Variants in NTNG1 observed in about 807,000 individuals in gnomAD.
NTNG1 encodes the protein netrin-G1.
In NTNG1, 16 loss-of-function variants were observed where a neutral mutation model predicts 54.0. The observed-to-expected ratio is 0.30, with a 90% CI of 0.20 to 0.45. The LOEUF (loss-of-function observed/expected upper bound fraction) is 0.45, where lower values mean the gene tolerates loss of function less well. Ranked by LOEUF, NTNG1 falls within the 20% of genes least tolerant of loss-of-function variation. NTNG1 has a pLI of 1.00. For synonymous variants in NTNG1, 255 were observed against 263.1 expected (o/e 0.97, Z 0.30); for missense variants, 530 against 678.7 (o/e 0.78, Z 2.43).
intron 3 of NTNG1, among the ~76,000 whole-genome samples, chr1:107,375,014 C>T (rs889197138): frequency 3.9e-5 from 6 of 152,216 alleles, no homozygotes; most frequent in Admixed American, 6.5e-5. Flanking sequence ...TAGTGAGCAC[C>T]GGCACTATTC....
rs540211104 is a variant in NTNG1, at chr1:107,263,704, G to A, written c.247-60578G>A. On this transcript the variant is annotated intron_variant, in intron 2 of 7. Transcript: ENST00000370068. ...TGTCTCCTTACAAGCCTTATAACCTGAGGCAATCCCAGATATTCCCTTTGG... is the reference window on the plus strand; with the variant it reads ...TGTCTCCTTACAAGCCTTATAACCTAAGGCAATCCCAGATATTCCCTTTGG... 9.2e-5 allele frequency among the ~76,000 whole-genome samples: 14 copies of A among 152,268 alleles called. No homozygotes were observed. In the East Asian group the frequency reaches 2.5e-3, roughly 27 times the overall value.
intron 3 of NTNG1, among the ~76,000 whole-genome samples, chr1:107,348,365 A>G (rs1249302958): frequency 2.0e-5 from 3 of 152,088 alleles, no homozygotes; most frequent in Non-Finnish European, 4.4e-5. Context: ...ACTTCAAGTG[A>G]TATGCTCACC....
rs189006747 is a variant in NTNG1, at chr1:107,377,066, C to T, written c.888-18088C>T. ...GTGTGGCTTCAGGGTCCCCCTGACTCCTCTTCCTGGCTTACATGGGGCCAG... is the reference window on the plus strand; with the variant it reads ...GTGTGGCTTCAGGGTCCCCCTGACTTCTCTTCCTGGCTTACATGGGGCCAG... On this transcript the variant is annotated intron_variant, in intron 3 of 7. Coordinates refer to ENST00000370068, the MANE Select transcript of NTNG1 (RefSeq NM_001113226.3). Among the ~76,000 whole-genome samples the T allele has an allele frequency of 2.0e-5, 3 of 152,324 alleles. No homozygotes were observed. The East Asian group carries it at 5.8e-4, about 29-fold the overall frequency.
chr1:107,277,650 A>G (rs1324737103), intron 2 of NTNG1, among the ~76,000 whole-genome samples: 1 of 152,218 alleles, frequency 6.6e-6, no homozygotes, highest in Non-Finnish European at 1.5e-5. Context: ...GGAAGTTTCT[A>G]ATGAGTAGAT....
At chr1:107,450,569 T>C (rs558474291) in intron 7 of NTNG1, among the ~76,000 whole-genome samples, 5 of 152,170 alleles carry the variant, frequency 3.3e-5, no homozygotes, top group Admixed American at 3.3e-4. Context: ...ATGATAATCA[T>C]GGCTCCTTCC....
At chr1:107,333,241 G>T (rs1160135348) in intron 3 of NTNG1, among the ~76,000 whole-genome samples, 8 of 151,994 alleles carry the variant, frequency 5.3e-5, no homozygotes, top group Non-Finnish European at 2.9e-5. Context: ...AAGAGAAATA[G>T]ATTCTCACTC....
intron 2 of NTNG1, among the ~76,000 whole-genome samples, chr1:107,241,414 A>G (rs1399451154): frequency 6.6e-6 from 1 of 152,222 alleles, no homozygotes; most frequent in Non-Finnish European, 1.5e-5. Context: ...TATTTACTAT[A>G]CAGAAAAAAA....
intron 3 of NTNG1, among the ~76,000 whole-genome samples, chr1:107,343,610 G>C (rs1224476939): frequency 1.3e-5 from 2 of 151,894 alleles, no homozygotes; most frequent in South Asian, 4.2e-4. Flanking sequence ...GGCTGCAGGA[G>C]AGCTCATTAG....
chr1:107,453,677 G>C (rs1044545590), intron 7 of NTNG1, among the ~76,000 whole-genome samples: 1 of 152,132 alleles, frequency 6.6e-6, no homozygotes, highest in African/African-American at 2.4e-5. Context: ...TGCCATGTAG[G>C]GAAGTGGGCT....
intron 2 of NTNG1, among the ~76,000 whole-genome samples, chr1:107,299,680 C>T (rs954204029): frequency 2.0e-5 from 3 of 152,116 alleles, no homozygotes; most frequent in African/African-American, 7.2e-5. Flanking sequence ...CACCAGTGTC[C>T]AAGCCTGTCA....
chr1:107,388,600 G>T (rs2101062350), intron 3 of NTNG1, among the ~76,000 whole-genome samples: 1 of 152,340 alleles, frequency 6.6e-6, no homozygotes, highest in South Asian at 2.1e-4. Flanking sequence ...CACAATGCCA[G>T]GTGCTTAGAA....
At chr1:107,257,990 A>G (rs1157688456) in intron 2 of NTNG1, among the ~76,000 whole-genome samples, 2 of 152,214 alleles carry the variant, frequency 1.3e-5, no homozygotes, top group Non-Finnish European at 2.9e-5. Flanking sequence ...TATTTAGGAC[A>G]TCATCGGTGA....
chr1:107,477,975 C>T (rs1432272692), intron 7 of NTNG1, among the ~76,000 whole-genome samples: 4 of 152,174 alleles, frequency 2.6e-5, no homozygotes, highest in Non-Finnish European at 5.9e-5. Flanking sequence ...CAGAAATCAT[C>T]CTTTATATTT....
At chr1:107,392,850 GCA>G (rs1312979694) in intron 3 of NTNG1, among the ~76,000 whole-genome samples, 4 of 152,126 alleles carry the variant, frequency 2.6e-5, no homozygotes, top group African/African-American at 9.7e-5. Context: ...ACCTATCCAA[GCA>G]CACGGACACA....
chr1:107,231,306 A>G (rs980496991), intron 2 of NTNG1, among the ~76,000 whole-genome samples: 13 of 152,186 alleles, frequency 8.5e-5, no homozygotes, highest in East Asian at 1.9e-4. Flanking sequence ...ATCGCTTCTC[A>G]GTACTGGATG....
intron 2 of NTNG1, among the ~76,000 whole-genome samples, chr1:107,213,481 T>C (rs1252983698): frequency 6.6e-6 from 1 of 152,066 alleles, no homozygotes; most frequent in Non-Finnish European, 1.5e-5. Flanking sequence ...AGTTGGGAAA[T>C]GCATTTCCCA....
intron 7 of NTNG1, among the ~76,000 whole-genome samples, chr1:107,467,360 T>C (rs1040066956): frequency 3.3e-5 from 5 of 152,178 alleles, no homozygotes; most frequent in Non-Finnish European, 7.3e-5. Flanking sequence ...TAATGAAACA[T>C]AAAAAGCATG....
chr1:107,277,273 C>G (rs1047523981), intron 2 of NTNG1, among the ~76,000 whole-genome samples: 1 of 152,066 alleles, frequency 6.6e-6, no homozygotes, highest in African/African-American at 2.4e-5. Flanking sequence ...GATTTCAGAG[C>G]CCAGAAGCCA....
Position 107,480,930 on chromosome 1 carries a change from T to C in NTNG1, c.*90T>C. On this transcript the variant is annotated 3_prime_UTR_variant, in exon 8 of 8. Transcript: ENST00000370068. The stretch of plus-strand genomic sequence containing the variant: ...GCTACTAACATAGGAAACACACACA[T>C]ACAGACACCCCCACTCAGACAGTGT... The C allele has an allele frequency of 1.1e-6, 1 of 928,014 alleles. No homozygotes were observed. The highest frequency in any genetic ancestry group is 1.7e-6 in the Non-Finnish European group (1 of 603,630). 57.5% of individuals were successfully genotyped at this position (928,014 alleles called of 1,614,324 possible).
Sources: gnomAD v4.1 joint callset for allele counts (sites outside exome capture counted in the v4.1 genomes callset) on GRCh38, gnomAD v4.1.1 for gene constraint, MANE v1.5 for transcripts, NCBI Gene and HGNC (gene_info 2026-07-23, HGNC 2026-07-21) for gene names.